SYN1: variants seen among roughly 807,000 people sequenced by gnomAD.
The protein encoded by SYN1 is synapsin-1.
A neutral mutation model predicts 44.6 loss-of-function variants in SYN1; 8 were observed. The ratio of observed to expected loss-of-function variants is 0.18; its 90% CI spans 0.11 to 0.32. SYN1 has a LOEUF of 0.32. SYN1 is among the 10% of genes least tolerant of loss of function. SYN1 has a pLI of 1.00. For synonymous variants in SYN1, 275 were observed against 280.1 expected (o/e 0.98, Z 0.18); for missense variants, 451 against 639.4 (o/e 0.71, Z 3.18).
intron 5 of SYN1, among the ~76,000 whole-genome samples, chrX:47,603,252 G>A (rs192790218): frequency 2.6e-4 from 29 of 110,882 alleles, no homozygotes; most frequent in East Asian, 1.1e-3. Context: ...GTTGGGATGC[G>A]GTGGTGCTAT....
intron 5 of SYN1, among the ~76,000 whole-genome samples, chrX:47,580,826 C>T (rs1291259361): frequency 9.6e-6 from 1 of 103,759 alleles, no homozygotes; most frequent in Non-Finnish European, 2.0e-5. Flanking sequence ...CCCAGCTACT[C>T]AGGAGGCTGA....
chrX:47,612,989 C>A (rs867805744), intron 1 of SYN1, among the ~76,000 whole-genome samples: 2 of 110,014 alleles, frequency 1.8e-5, no homozygotes, highest in Non-Finnish European at 3.8e-5. Flanking sequence ...AAAAATTAGC[C>A]GGGCGTGGTG....
At chrX:47,573,596 G>A (rs774864210) in intron 12 of SYN1, among the ~76,000 whole-genome samples, 1 of 110,936 alleles carries the variant, frequency 9.0e-6, no homozygotes, top group East Asian at 2.9e-4. Context: ...CCAGATGATA[G>A]GAGGACTAGG....
rs752491407 is a variant in SYN1 at position 47,576,578 on chromosome X, C to T, written c.900G>A (p.Thr300=). 6 of 1,211,887 alleles carry T rather than the reference C, an allele frequency of 5.0e-6. No homozygotes were observed. In the South Asian group the frequency reaches 7.0e-5, roughly 14 times the overall value. The change falls in exon 7 of 13, where the codon ACG becomes ACA. Residue 300 remains threonine, a synonymous_variant. Transcript: ENST00000295987. Reference sequence around the variant, plus strand: ...CGATGAAGGGCTCGGCAGTGGCATACGTCTTGGTCAGTGCCACGACACTTG... The same window carrying T: ...CGATGAAGGGCTCGGCAGTGGCATATGTCTTGGTCAGTGCCACGACACTTG... The part of the protein sequence containing the change: ...DIASVVALTK[T]YATAEPFIDA...
chrX:47,576,450 T>G, intron 7 of SYN1, 44 bp from the exon 8 acceptor site: 1 of 1,212,000 alleles, frequency 8.3e-7, no homozygotes, highest in Non-Finnish European at 1.1e-6. Context: ...CTCAGCTGCA[T>G]GAGGCAAGGC....
At chrX:47,612,934 A>C (rs1434634736) in intron 1 of SYN1, among the ~76,000 whole-genome samples, 1 of 110,034 alleles carries the variant, frequency 9.1e-6, no homozygotes, top group East Asian at 2.9e-4. Context: ...GGAGTTCAAG[A>C]CCAGCTTAGC....
chrX:47,598,556 G>A (rs780276935), intron 5 of SYN1, among the ~76,000 whole-genome samples: 1 of 111,760 alleles, frequency 8.9e-6, no homozygotes, highest in South Asian at 3.7e-4. Flanking sequence ...GGCCAGGTGC[G>A]GTGGCACACG....
chrX:47,594,223 C>T (rs764815716), intron 5 of SYN1, among the ~76,000 whole-genome samples: 1 of 100,892 alleles, frequency 9.9e-6, no homozygotes, highest in South Asian at 4.5e-4. Context: ...GACAGAGTCA[C>T]GGACTCTATC....
chrX:47,572,637 C>T lies in SYN1; in HGVS notation c.*227G>A, dbSNP rs1009389599. The T allele has an allele frequency of 1.2e-5, 5 of 411,318 alleles. No homozygotes were observed. The African/African-American group carries it at 1.3e-4, about 10-fold the overall frequency. The allele number at this position is 411,318 out of a possible 1,213,427, so 33.9% of individuals were successfully genotyped here. A position where few individuals can be genotyped will look rare whatever the true frequency, so the allele number is the denominator to read the frequency against. On this transcript the variant is annotated 3_prime_UTR_variant, in exon 13 of 13. Coordinates refer to ENST00000295987, the MANE Select transcript of SYN1 (RefSeq NM_006950.3). ...ACAGAAGTAGATCCTGAAGTGACCACGAGTGGGGTTCTAAAAGGACTTGGG... is the reference window on the plus strand; with the variant it reads ...ACAGAAGTAGATCCTGAAGTGACCATGAGTGGGGTTCTAAAAGGACTTGGG...
chrX:47,583,063 C>T (rs1454907052), intron 5 of SYN1, among the ~76,000 whole-genome samples: 1 of 98,223 alleles, frequency 1.0e-5, no homozygotes, highest in African/African-American at 3.8e-5. Flanking sequence ...CTCCTCCAGC[C>T]CCCAATCCCA....
chrX:47,606,050 G>A (rs755390288), intron 3 of SYN1, among the ~76,000 whole-genome samples: 4 of 109,530 alleles, frequency 3.7e-5, no homozygotes, highest in East Asian at 2.8e-4. Flanking sequence ...CTGCCACCAC[G>A]CCTGGCTAAT....
chrX:47,614,377 G>C (rs186384006), intron 1 of SYN1, among the ~76,000 whole-genome samples: 3 of 111,710 alleles, frequency 2.7e-5, no homozygotes, highest in Admixed American at 1.9e-4. Context: ...TGCAGGATGG[G>C]AGCCACCCAG....
chrX:47,619,182 G>A (rs981020998), intron 1 of SYN1, among the ~76,000 whole-genome samples, 170 bp downstream of exon 1: 27 of 111,592 alleles, frequency 2.4e-4, no homozygotes, highest in African/African-American at 8.8e-4. Flanking sequence ...GCGGAGGGGG[G>A]CGACAAGGGC....
intron 12 of SYN1, among the ~76,000 whole-genome samples, chrX:47,573,583 G>A (rs1428712311): frequency 6.3e-5 from 7 of 110,680 alleles, no homozygotes; most frequent in Non-Finnish European, 1.3e-4. Context: ...GGAGTGGGAA[G>A]AGCCAGATGA....
Position 47,608,017 on chromosome X carries a change from C to T in SYN1, c.378-819G>A, listed in dbSNP as rs776137392. On this transcript the variant is annotated intron_variant, in intron 1 of 12. Transcript: ENST00000295987. ...TACACTCCAGCCTGGGCAACAAGAG[C>T]GAGACTCCATCTCCAAAAAACCCAA... Among the ~76,000 whole-genome samples, 6 of 106,694 alleles carry T rather than the reference C, an allele frequency of 5.6e-5. No homozygotes were observed. The South Asian group carries it at 1.2e-3, about 22-fold the overall frequency. 92.7% of individuals were successfully genotyped at this position (106,694 alleles called of 115,157 possible). A position where few individuals can be genotyped will look rare whatever the true frequency, so the allele number is the denominator to read the frequency against.
At chrX:47,585,406 A>C in intron 5 of SYN1, 7 of 1,200,850 alleles carry the variant, frequency 5.8e-6, no homozygotes, top group Non-Finnish European at 7.9e-6. Context: ...CGAGGGGGCG[A>C]GGCTCTGATG....
intron 1 of SYN1, among the ~76,000 whole-genome samples, chrX:47,610,985 G>A (rs1278121419): frequency 1.8e-5 from 2 of 111,426 alleles, no homozygotes; most frequent in Non-Finnish European, 3.8e-5. Context: ...GTGGTAAGGT[G>A]ATAAATGAGT....
chrX:47,573,853 G>C, intron 12 of SYN1, 149 bp downstream of exon 12: 1 of 486,453 alleles, frequency 2.1e-6, no homozygotes, highest in Non-Finnish European at 3.0e-6. Context: ...CGAAAGCTTG[G>C]GGGAAGGGCT....
Position 47,572,408 on chromosome X carries a change from G to C in SYN1, c.*456C>G, listed in dbSNP as rs1419256711. 2 of 134,316 alleles carry C rather than the reference G, an allele frequency of 1.5e-5. No homozygotes were observed. Among genetic ancestry groups the C allele is most frequent in the Non-Finnish European group, 3.0e-5 (2 of 66,816 alleles). 11.1% of individuals were successfully genotyped at this position (134,316 alleles called of 1,213,427 possible). On this transcript the variant is annotated 3_prime_UTR_variant, in exon 13 of 13. Transcript: ENST00000295987. ...ATCCATGGGAAGGGGCTCAACAGTAGGGGTTTCTTGAGGATTTGGAAAATT... is the reference window on the plus strand; with the variant it reads ...ATCCATGGGAAGGGGCTCAACAGTACGGGTTTCTTGAGGATTTGGAAAATT...
Sources: gnomAD v4.1 joint callset for allele counts (sites outside exome capture counted in the v4.1 genomes callset) on GRCh38, gnomAD v4.1.1 for gene constraint, MANE v1.5 for transcripts, NCBI Gene and HGNC (gene_info 2026-07-23, HGNC 2026-07-21) for gene names.